KCNK2: variants seen among roughly 807,000 people sequenced by gnomAD.
KCNK2 encodes potassium two pore domain channel subfamily K member 2.
A neutral mutation model predicts 40.5 loss-of-function variants in KCNK2; 21 were observed. That is an observed-to-expected ratio of 0.52 (90% CI 0.37 to 0.75). The LOEUF (loss-of-function observed/expected upper bound fraction) is 0.75, where lower values mean the gene tolerates loss of function less well. Among genes scored for constraint, KCNK2 ranks in the 30% least tolerant of loss-of-function variants. The pLI is 0.00. For synonymous variants in KCNK2, 191 were observed against 202.2 expected, an observed-to-expected ratio of 0.94 and a Z score of 0.47; for missense variants, 399 against 531.6, an observed-to-expected ratio of 0.75 and a Z score of 2.45.
intron 2 of KCNK2, among the ~76,000 whole-genome samples, chr1:215,097,564 T>A (rs182110487): frequency 6.6e-6 from 1 of 152,156 alleles, no homozygotes; most frequent in East Asian, 1.9e-4. Context: ...CTTTGTGAGT[T>A]CATTCCTTAT....
chr1:215,027,207 A>C (rs575850960), intron 1 of KCNK2, among the ~76,000 whole-genome samples: 1 of 152,194 alleles, frequency 6.6e-6, no homozygotes, highest in Non-Finnish European at 1.5e-5. Context: ...AGATAATTTT[A>C]TCTCTTCATT....
intron 2 of KCNK2, among the ~76,000 whole-genome samples, chr1:215,115,697 T>C (rs759136466): frequency 6.6e-6 from 1 of 150,660 alleles, no homozygotes; most frequent in African/African-American, 2.4e-5. Context: ...TCTGACTTCT[T>C]CTTCTACCTC....
chr1:215,007,049 G>GTGTGTA (rs1349337874), intron 1 of KCNK2, among the ~76,000 whole-genome samples: 2 of 103,120 alleles, frequency 1.9e-5, no homozygotes, highest in African/African-American at 8.6e-5. Context: ...GTGTGTGTGT[G>GTGTGTA]TATATATATA....
At chr1:215,164,076 A>T (rs1334199566) in intron 3 of KCNK2, among the ~76,000 whole-genome samples, 1 of 152,140 alleles carries the variant, frequency 6.6e-6, no homozygotes, top group African/African-American at 2.4e-5. Flanking sequence ...GTAGGCTATT[A>T]ATCACTGCCT....
At chr1:215,007,179 GTGTGGGTATA>G (rs1558054177) in intron 1 of KCNK2, among the ~76,000 whole-genome samples, 3 of 68,128 alleles carry the variant, frequency 4.4e-5, no homozygotes, top group African/African-American at 1.5e-4. Context: ...ATATGTATGT[GTGTGGGTATA>G]TATATATATA....
chr1:215,195,641 C>T (rs1350324532), intron 6 of KCNK2, among the ~76,000 whole-genome samples: 1 of 152,076 alleles, frequency 6.6e-6, no homozygotes, highest in African/African-American at 2.4e-5. Context: ...TGTCAATTTA[C>T]TTATCTTATA....
chr1:215,019,058 T>C (rs746017110), intron 1 of KCNK2, among the ~76,000 whole-genome samples: 1 of 152,116 alleles, frequency 6.6e-6, no homozygotes, highest in African/African-American at 2.4e-5. Context: ...TAACTTGCCA[T>C]GTCCTACGTA....
intron 1 of KCNK2, among the ~76,000 whole-genome samples, chr1:215,056,987 A>G (rs908660024): frequency 1.3e-5 from 2 of 152,204 alleles, no homozygotes; most frequent in African/African-American, 4.8e-5. Flanking sequence ...TTATTTAAGA[A>G]CTACATGTAA....
chr1:215,194,864 C>A, intron 5 of KCNK2, 89 bp from the exon 6 acceptor site: 1 of 1,267,768 alleles, frequency 7.9e-7, no homozygotes, highest in Non-Finnish European at 1.1e-6. Context: ...GTTTTGCAAA[C>A]CAAAATTTAG....
At chr1:215,155,431 C>A (rs114983127) in intron 3 of KCNK2, among the ~76,000 whole-genome samples, 3,170 of 152,146 alleles carry the variant, frequency 0.021, 71 homozygotes, top group Non-Finnish European at 0.029. Flanking sequence ...AGAATAATTT[C>A]ATTAAATTAT....
intron 1 of KCNK2, among the ~76,000 whole-genome samples, chr1:215,034,413 A>G (rs569316413): frequency 4.6e-4 from 69 of 150,070 alleles, no homozygotes; most frequent in African/African-American, 1.7e-3. Context: ...TTGCGACCTT[A>G]TTTATTGATT....
At chr1:215,092,892 T>C (rs926148875) in intron 2 of KCNK2, among the ~76,000 whole-genome samples, 5 of 152,134 alleles carry the variant, frequency 3.3e-5, no homozygotes, top group African/African-American at 9.7e-5. Flanking sequence ...TCTCATGCCT[T>C]TACCAAGGGA....
chr1:215,209,422 AAT>A (rs1390285917), intron 6 of KCNK2, among the ~76,000 whole-genome samples: 4 of 44,628 alleles, frequency 9.0e-5, no homozygotes, highest in Non-Finnish European at 1.4e-4. Context: ...TATTATATAT[AAT>A]ATATATAATA....
At chr1:215,076,575 C>T (rs1355571713) in intron 1 of KCNK2, among the ~76,000 whole-genome samples, 2 of 152,122 alleles carry the variant, frequency 1.3e-5, no homozygotes, top group African/African-American at 4.8e-5. Context: ...AAACTGGCTT[C>T]TACCACAGAA....
chr1:215,074,809 G>T (rs572498960), intron 1 of KCNK2, among the ~76,000 whole-genome samples: 1 of 152,252 alleles, frequency 6.6e-6, no homozygotes, highest in African/African-American at 2.4e-5. Context: ...GTCTAAATAT[G>T]CTGTGTTCAT....
At chr1:215,010,092 G>A (rs1398842418) in intron 1 of KCNK2, among the ~76,000 whole-genome samples, 1 of 152,084 alleles carries the variant, frequency 6.6e-6, no homozygotes, top group East Asian at 1.9e-4. Flanking sequence ...AGATTTTGAG[G>A]CTTGGGGCAT....
intron 1 of KCNK2, among the ~76,000 whole-genome samples, chr1:215,009,831 C>T (rs1305185694): frequency 1.3e-5 from 2 of 152,088 alleles, no homozygotes; most frequent in African/African-American, 4.8e-5. Flanking sequence ...AATTCTCTGT[C>T]TTCTCTACTA....
intron 1 of KCNK2, among the ~76,000 whole-genome samples, chr1:215,060,844 A>G (rs1387057290): frequency 6.6e-6 from 1 of 152,178 alleles, no homozygotes; most frequent in Non-Finnish European, 1.5e-5. Flanking sequence ...AAATTTAGGA[A>G]CACAATGAAC....
intron 3 of KCNK2, among the ~76,000 whole-genome samples, chr1:215,163,404 C>T (rs1663296249): frequency 6.6e-6 from 1 of 152,190 alleles, no homozygotes; most frequent in East Asian, 1.9e-4. Flanking sequence ...CTTGAATACC[C>T]TTTATTTCTT....
Sources: gnomAD v4.1 joint callset for allele counts (sites outside exome capture counted in the v4.1 genomes callset) on GRCh38, gnomAD v4.1.1 for gene constraint, MANE v1.5 for transcripts, NCBI Gene and HGNC (gene_info 2026-07-23, HGNC 2026-07-21) for gene names.